The following ANGPT1 variants were observed in gnomAD, a reference collection of about 807,000 sequenced individuals.
The protein encoded by ANGPT1 is angiopoietin 1, also known as angiopoietin-1.
A neutral mutation model predicts 62.2 loss-of-function variants in ANGPT1; 17 were observed. That is an observed-to-expected ratio of 0.27 (90% CI 0.19 to 0.41). ANGPT1 has a LOEUF of 0.41. Ranked by LOEUF, ANGPT1 falls within the 10% of genes least tolerant of loss-of-function variation. The pLI, the probability that ANGPT1 is intolerant of heterozygous loss-of-function variation, is 1.00. For missense variants in ANGPT1, 478 were observed against 594.9 expected (o/e 0.80, Z 2.04); for synonymous variants, 199 against 198.9 (o/e 1.00, Z 0.00).
intron 4 of ANGPT1, among the ~76,000 whole-genome samples, chr8:107,309,501 T>C (rs1254115740): frequency 6.6e-6 from 1 of 152,216 alleles, no homozygotes; most frequent in East Asian, 1.9e-4. Context: ...GGAATCCTAA[T>C]TTATTCAAAA....
At chr8:107,291,309 T>C (rs1008838913) in intron 6 of ANGPT1, among the ~76,000 whole-genome samples, 1 of 152,198 alleles carries the variant, frequency 6.6e-6, no homozygotes, top group African/African-American at 2.4e-5. Flanking sequence ...GGTGAAGTAT[T>C]ATCATTGTCC....
rs573686911 is a variant in ANGPT1 at position 107,415,577 on chromosome 8, T to C, written c.298-68480A>G. ...CAAGTATCTCTTATATCCTGTTACATGATGTAATTTAAGTCTGAAAATACC... is the reference window on the plus strand; with the variant it reads ...CAAGTATCTCTTATATCCTGTTACACGATGTAATTTAAGTCTGAAAATACC... On this transcript the variant is annotated intron_variant, in intron 1 of 8. Transcript: ENST00000517746. Among the ~76,000 whole-genome samples the C allele has an allele frequency of 3.2e-4, 49 of 152,304 alleles. 2 individuals are homozygous for C. The South Asian group carries it at 5.0e-3, about 15-fold the overall frequency.
intron 1 of ANGPT1, among the ~76,000 whole-genome samples, chr8:107,353,604 C>G (rs1299158438): frequency 6.6e-6 from 1 of 152,026 alleles, no homozygotes; most frequent in Non-Finnish European, 1.5e-5. Context: ...CCTCAGCAAC[C>G]CCTTGATTTT....
intron 1 of ANGPT1, among the ~76,000 whole-genome samples, chr8:107,427,968 G>C (rs1811081543): frequency 6.6e-6 from 1 of 152,164 alleles, no homozygotes; most frequent in African/African-American, 2.4e-5. Flanking sequence ...GCGTCCACCT[G>C]GTGAGTAGAT....
chr8:107,479,737 CA>C (rs1219778233), intron 1 of ANGPT1, among the ~76,000 whole-genome samples: 2 of 152,086 alleles, frequency 1.3e-5, no homozygotes, highest in Non-Finnish European at 2.9e-5. Context: ...TTTTAATGAT[CA>C]GAAAAATTTC....
intron 1 of ANGPT1, among the ~76,000 whole-genome samples, chr8:107,380,526 T>G (rs1215503984): frequency 6.6e-6 from 1 of 151,946 alleles, no homozygotes; most frequent in Non-Finnish European, 1.5e-5. Context: ...CCTTACACTT[T>G]AAAAAAAATT....
intron 2 of ANGPT1, among the ~76,000 whole-genome samples, chr8:107,339,616 A>G (rs937354826): frequency 6.6e-6 from 1 of 152,134 alleles, no homozygotes; most frequent in African/African-American, 2.4e-5. Context: ...AAACTATCAT[A>G]TCTATTCACT....
intron 6 of ANGPT1, among the ~76,000 whole-genome samples, chr8:107,288,337 C>T (rs760505047): frequency 6.6e-6 from 1 of 152,110 alleles, no homozygotes; most frequent in Admixed American, 6.6e-5. Flanking sequence ...CTGTTTCCTT[C>T]GACTCTCCCT....
At chr8:107,432,607 T>G (rs1157227280) in intron 1 of ANGPT1, among the ~76,000 whole-genome samples, 1 of 146,748 alleles carries the variant, frequency 6.8e-6, no homozygotes, top group African/African-American at 2.6e-5. Flanking sequence ...GAGCTTGCAG[T>G]GAGCCGAGAT....
At chr8:107,281,184 A>C (rs2130119003) in intron 7 of ANGPT1, among the ~76,000 whole-genome samples, 1 of 152,196 alleles carries the variant, frequency 6.6e-6, no homozygotes, top group African/African-American at 2.4e-5. Flanking sequence ...CTTTTAATTA[A>C]TATGTCAAGA....
chr8:107,487,213 G>A (rs986977700), intron 1 of ANGPT1, among the ~76,000 whole-genome samples: 2 of 152,032 alleles, frequency 1.3e-5, no homozygotes, highest in Non-Finnish European at 2.9e-5. Context: ...GCCAGCATGG[G>A]GAGGATCACA....
chr8:107,279,399 G>A (rs1258171370), intron 7 of ANGPT1, among the ~76,000 whole-genome samples: 1 of 152,096 alleles, frequency 6.6e-6, no homozygotes, highest in African/African-American at 2.4e-5. Context: ...GAGAAGTAGG[G>A]TTAGAATAAA....
At chr8:107,290,575 C>A (rs1004629548) in intron 6 of ANGPT1, among the ~76,000 whole-genome samples, 4 of 151,992 alleles carry the variant, frequency 2.6e-5, no homozygotes, top group African/African-American at 7.2e-5. Flanking sequence ...GAGAAAGAAC[C>A]GAAACACTGT....
chr8:107,297,856 GA>G (rs370782564), intron 5 of ANGPT1, among the ~76,000 whole-genome samples: 5,563 of 148,042 alleles, frequency 0.038, 318 homozygotes, highest in African/African-American at 0.13. Context: ...TTTTTAGTCA[GA>G]AAAAAAAATA....
chr8:107,332,168 G>T (rs2130103798), intron 3 of ANGPT1, among the ~76,000 whole-genome samples: 1 of 152,238 alleles, frequency 6.6e-6, no homozygotes, highest in East Asian at 1.9e-4. Context: ...GGAAACTAGT[G>T]AAAGTTTACA....
intron 1 of ANGPT1, among the ~76,000 whole-genome samples, chr8:107,386,490 T>C (rs1816734250): frequency 6.6e-6 from 1 of 152,116 alleles, no homozygotes; most frequent in South Asian, 2.1e-4. Context: ...CACAAACTGC[T>C]GGTAGCCCTT....
In ANGPT1 at chr8:107,351,915, G is replaced by A. The variant is rs77467201; in HGVS notation, c.298-4818C>T. Reference sequence around the variant, plus strand: ...GATATGTACCAGCTTTTACAAATACGCAGTTCATTGAATCTTTAGAACAAT... The same window carrying A: ...GATATGTACCAGCTTTTACAAATACACAGTTCATTGAATCTTTAGAACAAT... On this transcript the variant is annotated intron_variant, in intron 1 of 8. Transcript: ENST00000517746. Among the ~76,000 whole-genome samples the A allele has an allele frequency of 9.7e-3, 1,469 of 152,168 alleles. 121 individuals carry two copies. In the East Asian group the frequency reaches 0.17, roughly 17 times the overall value.
chr8:107,431,733 T>C (rs1811191853), intron 1 of ANGPT1, among the ~76,000 whole-genome samples: 1 of 71,770 alleles, frequency 1.4e-5, no homozygotes, highest in Admixed American at 1.5e-4. Flanking sequence ...AACTACTCTG[T>C]CTTTTTTTTT....
At chr8:107,378,754 G>A (rs944330626) in intron 1 of ANGPT1, among the ~76,000 whole-genome samples, 2 of 152,016 alleles carry the variant, frequency 1.3e-5, no homozygotes, top group East Asian at 1.9e-4. Flanking sequence ...CTGTGGCCTT[G>A]TGAAGAAGGT....
Sources: allele counts gnomAD v4.1 joint callset (sites outside exome capture counted in the v4.1 genomes callset), GRCh38; gene constraint gnomAD v4.1.1; transcripts MANE v1.5; gene names NCBI Gene and HGNC (gene_info 2026-07-23, HGNC 2026-07-21).